Variants in FIGN observed in about 807,000 individuals in gnomAD.
The protein encoded by FIGN is fidgetin, microtubule severing factor, also known as fidgetin.
Under a neutral mutation model 51.3 loss-of-function variants are expected in FIGN, and 11 were observed. The observed-to-expected ratio is 0.21, with a 90% CI of 0.13 to 0.35. The LOEUF (loss-of-function observed/expected upper bound fraction) is 0.35. Ranked by LOEUF, FIGN falls within the 10% of genes least tolerant of loss-of-function variation. FIGN has a pLI of 1.00. For missense variants in FIGN, 857 were observed against 943.6 expected (o/e 0.91, Z 1.20); for synonymous variants, 407 against 363.2 (o/e 1.12, Z -1.37).
chr2:163,697,050 C>T (rs886802593), intron 2 of FIGN, among the ~76,000 whole-genome samples: 11 of 151,460 alleles, frequency 7.3e-5, no homozygotes, highest in Admixed American at 5.3e-4. Context: ...CTATGCTTTC[C>T]CTGACACAGC....
chr2:163,705,242 C>G (rs891562897), intron 2 of FIGN, among the ~76,000 whole-genome samples: 1 of 152,202 alleles, frequency 6.6e-6, no homozygotes, highest in South Asian at 2.1e-4. Flanking sequence ...GGGGACCACT[C>G]TCCTAGAGGG....
chr2:163,695,967 C>A (rs1240668117), intron 2 of FIGN, among the ~76,000 whole-genome samples: 1 of 152,022 alleles, frequency 6.6e-6, no homozygotes, highest in Admixed American at 6.6e-5. Flanking sequence ...AAAAATTAGC[C>A]GGGCATGGTG....
intron 2 of FIGN, among the ~76,000 whole-genome samples, chr2:163,641,269 A>G (rs1488855521): frequency 2.0e-5 from 3 of 152,238 alleles, no homozygotes; most frequent in Non-Finnish European, 4.4e-5. Flanking sequence ...TTAAACTTAT[A>G]TAAAGAAAAG....
At chr2:163,690,138 A>T (rs1684217843) in intron 2 of FIGN, among the ~76,000 whole-genome samples, 2 of 152,166 alleles carry the variant, frequency 1.3e-5, no homozygotes, top group Admixed American at 1.3e-4. Flanking sequence ...TTCAATGTCA[A>T]GGAAGCCTAC....
intron 2 of FIGN, among the ~76,000 whole-genome samples, chr2:163,718,999 T>G (rs1684713238): frequency 6.6e-6 from 1 of 152,174 alleles, no homozygotes; most frequent in African/African-American, 2.4e-5. Context: ...CAACAGCAGC[T>G]ATATGAATAA....
intron 2 of FIGN, among the ~76,000 whole-genome samples, chr2:163,614,439 A>G (rs899351575): frequency 6.6e-6 from 1 of 152,190 alleles, no homozygotes; most frequent in Non-Finnish European, 1.5e-5. Context: ...TGTGACTGTA[A>G]TGTAGAACTG....
intron 2 of FIGN, among the ~76,000 whole-genome samples, chr2:163,616,186 T>G (rs921725030): frequency 6.6e-6 from 1 of 152,334 alleles, no homozygotes; most frequent in Non-Finnish European, 1.5e-5. Context: ...CCTTGTTGCT[T>G]TACTTTTTCC....
chr2:163,625,559 G>GA (rs570748485), intron 2 of FIGN, among the ~76,000 whole-genome samples: 4 of 151,744 alleles, frequency 2.6e-5, no homozygotes, highest in African/African-American at 9.7e-5. Flanking sequence ...TGATAAGGGA[G>GA]AAAAAAACCC....
rs530684099 is a variant in FIGN at position 163,667,206 on chromosome 2, G to A, written c.26-55400C>T. ...ACTGATTTCATCTCTGACTTCTTTC[G>A]CCATTCTACATTCTTTCTTTATCCC... is the stretch of plus-strand genomic sequence containing the variant. On this transcript the variant is annotated intron_variant, in intron 2 of 2. Transcript: ENST00000333129. 1.3e-3 allele frequency among the ~76,000 whole-genome samples: 202 copies of A among 151,694 alleles called. No homozygotes were observed. The Middle Eastern group carries it at 0.024, about 18-fold the overall frequency.
chr2:163,651,632 TA>T lies in FIGN; in HGVS notation c.26-39827del, dbSNP rs538363575. The stretch of plus-strand genomic sequence containing the variant: ...ATATGCAATAAGACATGTAATGCTT[TA>T]AAAAATGAGAGCTAACCTTTATTAA... On this transcript the variant is annotated intron_variant, in intron 2 of 2. Coordinates refer to ENST00000333129, the MANE Select transcript of FIGN (RefSeq NM_018086.4). 1.8e-3 allele frequency among the ~76,000 whole-genome samples: 269 copies of T among 152,308 alleles called. 1 individual carries two copies. The highest frequency in any genetic ancestry group is 6.1e-3 in the African/African-American group (253 of 41,556).
chr2:163,615,651 GTTTTAAAAACAGC>G, intron 2 of FIGN, among the ~76,000 whole-genome samples: 1 of 152,210 alleles, frequency 6.6e-6, no homozygotes, highest in South Asian at 2.1e-4. Flanking sequence ...AATGGGTTGA[GTTTTAAAAACAGC>G]TTTTATATGG....
At chr2:163,653,592 AT>A (rs1683511391) in intron 2 of FIGN, among the ~76,000 whole-genome samples, 1 of 152,024 alleles carries the variant, frequency 6.6e-6, no homozygotes, top group Admixed American at 6.6e-5. Context: ...TGATTTATTG[AT>A]TACTTTAAGG....
intron 2 of FIGN, among the ~76,000 whole-genome samples, chr2:163,705,061 A>G (rs1684477294): frequency 6.6e-6 from 1 of 152,168 alleles, no homozygotes; most frequent in Non-Finnish European, 1.5e-5. Context: ...TGACAACTTT[A>G]TAACACTTCT....
intron 2 of FIGN, among the ~76,000 whole-genome samples, chr2:163,627,437 C>A (rs1316184151): frequency 1.3e-5 from 2 of 152,026 alleles, no homozygotes; most frequent in Admixed American, 1.3e-4. Flanking sequence ...CACATATGAT[C>A]ATATAAATCA....
intron 2 of FIGN, among the ~76,000 whole-genome samples, chr2:163,629,702 A>C (rs1275226771): frequency 6.6e-6 from 1 of 152,262 alleles, no homozygotes; most frequent in Non-Finnish European, 1.5e-5. Flanking sequence ...AGTAGAGATG[A>C]ATAGTTGTGG....
At chr2:163,646,296 T>C (rs1683381474) in intron 2 of FIGN, among the ~76,000 whole-genome samples, 1 of 152,154 alleles carries the variant, frequency 6.6e-6, no homozygotes, top group Non-Finnish European at 1.5e-5. Flanking sequence ...TACTCAAGAG[T>C]TGTAATGTGT....
intron 2 of FIGN, among the ~76,000 whole-genome samples, chr2:163,670,612 G>A (rs1449269325): frequency 1.3e-5 from 2 of 152,128 alleles, no homozygotes; most frequent in African/African-American, 2.4e-5. Flanking sequence ...TAAAAATTAT[G>A]TATATTTATG....
intron 2 of FIGN, among the ~76,000 whole-genome samples, chr2:163,654,424 A>T (rs1573928828): frequency 6.6e-6 from 1 of 152,226 alleles, no homozygotes; most frequent in South Asian, 2.1e-4. Context: ...GAAGATGTTG[A>T]CATACTAATC....
intron 2 of FIGN, among the ~76,000 whole-genome samples, chr2:163,718,853 G>GAC (rs1285385361): frequency 2.6e-5 from 4 of 151,738 alleles, no homozygotes; most frequent in African/African-American, 9.7e-5. Context: ...GAGAGAGAGA[G>GAC]AGAGAGAGAC....
Sources: gnomAD v4.1 joint callset for allele counts (sites outside exome capture counted in the v4.1 genomes callset) on GRCh38, gnomAD v4.1.1 for gene constraint, MANE v1.5 for transcripts, NCBI Gene and HGNC (gene_info 2026-07-23, HGNC 2026-07-21) for gene names.